ZHX2: variants seen among roughly 807,000 people sequenced by gnomAD.
The protein encoded by ZHX2 is zinc fingers and homeoboxes protein 2.
ZHX2 carries 6 observed loss-of-function variants against 21.9 expected under a neutral mutation model. That is an observed-to-expected ratio of 0.27 (90% confidence interval 0.15 to 0.54). The LOEUF (loss-of-function observed/expected upper bound fraction) is 0.54, where lower values mean the gene tolerates loss of function less well. Among genes scored for constraint, ZHX2 ranks in the 20% least tolerant of loss-of-function variants. The pLI is 0.95. For synonymous variants in ZHX2, 434 were observed against 437.1 expected, an observed-to-expected ratio of 0.99 and a Z score of 0.09; for missense variants, 908 against 1,090.7, an observed-to-expected ratio of 0.83 and a Z score of 2.36.
chr8:122,802,705 G>T (rs991281672), intron 1 of ZHX2, among the ~76,000 whole-genome samples: 1 of 152,194 alleles, frequency 6.6e-6, no homozygotes, highest in Non-Finnish European at 1.5e-5. Flanking sequence ...AAAGAGAAAG[G>T]GGGCAGAGGA....
Position 122,865,920 on chromosome 8 carries a change from G to A in ZHX2, c.-220+2381G>A, listed in dbSNP as rs144793501. On this transcript the variant is annotated intron_variant, in intron 2 of 3. Coordinates refer to ENST00000314393, the MANE Select transcript of ZHX2 (RefSeq NM_014943.5). ...CACCGGTTAGCACATCCTCTAAGCT[G>A]GAGATGCTGTGGAAGGCTGTCAAGG... Among the ~76,000 whole-genome samples, 458 of 152,258 alleles carry A rather than the reference G, an allele frequency of 3.0e-3. 2 individuals carry two copies. Among genetic ancestry groups the A allele is most frequent in the African/African-American group, 0.01 (424 of 41,526 alleles).
chr8:122,826,717 G>A (rs1355581083), intron 1 of ZHX2, among the ~76,000 whole-genome samples: 1 of 152,150 alleles, frequency 6.6e-6, no homozygotes, highest in Non-Finnish European at 1.5e-5. Flanking sequence ...CTTTGGAAAG[G>A]TGGAAGCTTC....
intron 3 of ZHX2, among the ~76,000 whole-genome samples, chr8:122,960,260 C>G (rs1433383843): frequency 6.6e-6 from 1 of 152,084 alleles, no homozygotes; most frequent in Non-Finnish European, 1.5e-5. Flanking sequence ...GTAATGGGGC[C>G]AGGCACAGTG....
intron 1 of ZHX2, among the ~76,000 whole-genome samples, chr8:122,792,848 G>A (rs1349128118): frequency 5.9e-5 from 9 of 152,274 alleles, no homozygotes; most frequent in Admixed American, 1.3e-4. Context: ...GGTGGCACCC[G>A]AGAGTGTGTC....
chr8:122,806,812 A>G lies in ZHX2; in HGVS notation c.-283+24866A>G, dbSNP rs191942145. 1.5e-3 allele frequency among the ~76,000 whole-genome samples: 236 copies of G among 152,370 alleles called. 1 individual carries two copies. The highest frequency in any genetic ancestry group is 5.5e-3 in the African/African-American group (227 of 41,596). On this transcript the variant is annotated intron_variant, in intron 1 of 3. Coordinates refer to ENST00000314393, the MANE Select transcript of ZHX2 (RefSeq NM_014943.5). ...GGCATTGTTCTAAGCATGGTAACCC[A>G]CATCACCCTCATTTATGGAGTAAAA...
At chr8:122,885,581 T>C (rs1819819948) in intron 2 of ZHX2, among the ~76,000 whole-genome samples, 1 of 152,280 alleles carries the variant, frequency 6.6e-6, no homozygotes, top group African/African-American at 2.4e-5. Flanking sequence ...TGGGTGACAG[T>C]GAGGAATCAA....
chr8:122,868,347 T>A (rs1157421462), intron 2 of ZHX2, among the ~76,000 whole-genome samples: 1 of 152,056 alleles, frequency 6.6e-6, no homozygotes, highest in East Asian at 1.9e-4. Context: ...AAGTTAACAC[T>A]TAAAAAAAGA....
chr8:122,844,036 C>T (rs1818697650), intron 1 of ZHX2, among the ~76,000 whole-genome samples: 1 of 151,924 alleles, frequency 6.6e-6, no homozygotes, highest in East Asian at 1.9e-4. Flanking sequence ...CCGCAAGGAC[C>T]TCAGGAAGTC....
chr8:122,886,451 C>T (rs1232978788), intron 2 of ZHX2, among the ~76,000 whole-genome samples: 3 of 152,080 alleles, frequency 2.0e-5, no homozygotes, highest in Admixed American at 6.5e-5. Flanking sequence ...CAGGGGTGAA[C>T]GCTCATGTAA....
chr8:122,971,306 C>G (rs1278093383), intron 3 of ZHX2, among the ~76,000 whole-genome samples: 1 of 144,408 alleles, frequency 6.9e-6, no homozygotes, highest in Non-Finnish European at 1.5e-5. Context: ...TTTTTTTTTC[C>G]TGGTGAAATG....
intron 2 of ZHX2, among the ~76,000 whole-genome samples, chr8:122,874,399 C>T (rs1175207930): frequency 6.6e-6 from 1 of 152,212 alleles, no homozygotes; most frequent in Non-Finnish European, 1.5e-5. Flanking sequence ...AGTGCACAAT[C>T]TCAGCTTACT....
intron 1 of ZHX2, among the ~76,000 whole-genome samples, chr8:122,813,706 A>C (rs1817975186): frequency 6.6e-6 from 1 of 152,212 alleles, no homozygotes; most frequent in South Asian, 2.1e-4. Flanking sequence ...CCTGTTGAGC[A>C]TTTCTAATGC....
At position 122,782,156 on chromosome 8, in the gene ZHX2, T is replaced by G. The variant is rs1586568200; in HGVS notation, c.-283+210T>G. 2.5e-4 allele frequency among the ~76,000 whole-genome samples: 37 copies of G among 145,424 alleles called. No homozygotes were observed. Among genetic ancestry groups the G allele is most frequent in the Admixed American group, 6.9e-4 (10 of 14,530 alleles). ...GGGGTGTGCAGGCTCTTTTTGCGGG[T>G]GGGAGGAAATGAGCGGATACAGAGA... On this transcript the variant is annotated intron_variant, in intron 1 of 3. Coordinates refer to ENST00000314393, the MANE Select transcript of ZHX2 (RefSeq NM_014943.5). The surrounding 1 kb of genome is among the most constrained non-coding windows in gnomAD (Gnocchi z 5.3).
At chr8:122,795,648 G>A (rs1367268243) in intron 1 of ZHX2, among the ~76,000 whole-genome samples, 1 of 152,114 alleles carries the variant, frequency 6.6e-6, no homozygotes, top group Non-Finnish European at 1.5e-5. Flanking sequence ...ATTGAACCAA[G>A]CATGTTGTAT....
chr8:122,823,060 C>T (rs938168047), intron 1 of ZHX2, among the ~76,000 whole-genome samples: 28 of 152,334 alleles, frequency 1.8e-4, no homozygotes, highest in African/African-American at 6.0e-4. Flanking sequence ...ATGTTAGTAA[C>T]CCTCTCAGGA....
rs202088448 is a variant in ZHX2, at chr8:122,953,005, G to T, written c.1495G>T (p.Val499Phe). The change falls in exon 3 of 4, where the codon GTC (valine) becomes TTC (phenylalanine). Residue 499 changes from valine (V) to phenylalanine (F), a missense_variant. Coordinates refer to ENST00000314393, the MANE Select transcript of ZHX2 (RefSeq NM_014943.5). This position sits in a 1 kb window ranked among gnomAD's most constrained non-coding sequence, Gnocchi z 4.6. Reference sequence around the variant, plus strand: ...CCGATATCGGTGTCAAAGGGGCATCGTCCACATCACCAGCGAATCCCTTGC... The same window carrying T: ...CCGATATCGGTGTCAAAGGGGCATCTTCCACATCACCAGCGAATCCCTTGC... ...DHRYRCQRGI[V>F]HITSESLAKD... The T allele has an allele frequency of 1.9e-6, 3 of 1,613,848 alleles. No individual in the cohort carries two copies. In the South Asian group the frequency reaches 3.3e-5, roughly 18 times the overall value.
At position 122,859,465 on chromosome 8, in the gene ZHX2, G is replaced by A. The variant is rs149358200; in HGVS notation, c.-282-4012G>A. Among the ~76,000 whole-genome samples the A allele has an allele frequency of 2.2e-4, 34 of 152,314 alleles. 1 individual carries two copies. The East Asian group carries it at 4.6e-3, about 21-fold the overall frequency. On this transcript the variant is annotated intron_variant, in intron 1 of 3. Transcript: ENST00000314393. ...CTCCCTCAATCCTGGAGGGGAAGGC[G>A]GCATTAATTAGGGTAAGAGTGAGGC...
chr8:122,924,590 C>T (rs1820809378), intron 2 of ZHX2, among the ~76,000 whole-genome samples: 2 of 152,152 alleles, frequency 1.3e-5, no homozygotes, highest in African/African-American at 4.8e-5. Flanking sequence ...TCCAGTCTCT[C>T]TTGATCTCCA....
At chr8:122,925,719 T>A (rs931526611) in intron 2 of ZHX2, among the ~76,000 whole-genome samples, 1 of 152,044 alleles carries the variant, frequency 6.6e-6, no homozygotes, top group Admixed American at 6.6e-5. Flanking sequence ...GGTTCCGAAA[T>A]AGCTGACACA....
Sources: gnomAD v4.1 joint callset for allele counts (sites outside exome capture counted in the v4.1 genomes callset) on GRCh38, gnomAD v4.1.1 for gene constraint, Gnocchi (gnomAD v3.1) non-coding constraint, MANE v1.5 for transcripts, NCBI Gene and HGNC (gene_info 2026-07-23, HGNC 2026-07-21) for gene names.